Variants in CASKIN2 observed in about 807,000 individuals in gnomAD.
CASKIN2 encodes caskin-2.
Under a neutral mutation model 107.1 loss-of-function variants are expected in CASKIN2, and 41 were observed. That is an observed-to-expected ratio of 0.38 (90% confidence interval 0.30 to 0.50). The LOEUF is 0.50. Ranked by LOEUF, CASKIN2 falls within the 20% of genes least tolerant of loss-of-function variation. The probability of loss-of-function intolerance (pLI) is 0.92; values close to 1 mark genes in which losing one functional copy is unlikely to be tolerated. For missense variants in CASKIN2, 1,546 were observed against 1,657.4 expected, an observed-to-expected ratio of 0.93 and a Z score of 1.17; for synonymous variants, 724 against 705.6, an observed-to-expected ratio of 1.03 and a Z score of -0.41.
intron 13 of CASKIN2, 46 bp from the exon 14 acceptor site, chr17:75,504,352 G>A (rs766805461): frequency 6.3e-7 from 1 of 1,596,722 alleles, no homozygotes; most frequent in East Asian, 2.3e-5. Context: ...CAGGAGGAAG[G>A]GGTGCCCACC....
chr17:75,500,784 G>C lies in CASKIN2; in HGVS notation c.*296C>G. 2.7e-6 allele frequency: 1 copy of C among 376,326 alleles called. No homozygotes were observed. The highest frequency in any genetic ancestry group is 5.0e-6 in the Non-Finnish European group (1 of 201,896). 23.3% of individuals were successfully genotyped at this position (376,326 alleles called of 1,614,324 possible). A position where few individuals can be genotyped will look rare whatever the true frequency, so the allele number is the denominator to read the frequency against. Reference sequence around the variant, plus strand: ...CCCACCCCTACTTCCTCCCTGAGGAGAGAGCTCTTACCAGGGTCCCTGTCC... The same window carrying C: ...CCCACCCCTACTTCCTCCCTGAGGACAGAGCTCTTACCAGGGTCCCTGTCC... On this transcript the variant is annotated 3_prime_UTR_variant, in exon 20 of 20. Coordinates refer to ENST00000321617, the MANE Select transcript of CASKIN2 (RefSeq NM_020753.5).
At position 75,500,952 on chromosome 17, in the gene CASKIN2, G is replaced by A. The variant is rs1488104842; in HGVS notation, c.*128C>T. The A allele has an allele frequency of 2.3e-6, 2 of 860,548 alleles. No homozygotes were observed. The highest frequency in any genetic ancestry group is 3.7e-6 in the Non-Finnish European group (2 of 547,646). The allele number at this position is 860,548 out of a possible 1,614,324, so 53.3% of individuals were successfully genotyped here. The stretch of plus-strand genomic sequence containing the variant: ...CCACAGCCGCGGGCTGAGTGGGAAG[G>A]GGCCCTGCTAGGAGGGGCACTTCAG... On this transcript the variant is annotated 3_prime_UTR_variant, in exon 20 of 20. Transcript: ENST00000321617.
At position 75,503,954 on chromosome 17, in the gene CASKIN2, C is replaced by T. The variant is rs746155968; in HGVS notation, c.1476G>A (p.Gln492=). The T allele has an allele frequency of 6.2e-7, 1 of 1,610,782 alleles. No homozygotes were observed. Among genetic ancestry groups the T allele is most frequent in the Non-Finnish European group, 8.5e-7 (1 of 1,179,116 alleles). ...ACTCGCTTAGCCAGTTATGAATGGC[C>T]TGCGCGTCCTGCGGGGTGGGGGAAG... ...PEQLLEGKDA[Q]AIHNWLSEFQ... Residue 492 remains glutamine, a synonymous_variant, in exon 15 of 20, where the codon CAG becomes CAA. Coordinates refer to ENST00000321617, the MANE Select transcript of CASKIN2 (RefSeq NM_020753.5).
chr17:75,504,898 C>T lies in CASKIN2; in HGVS notation c.1106G>A (p.Arg369Gln), dbSNP rs143342828. The change falls in exon 11 of 20, where the codon CGG (arginine) becomes CAG (glutamine). Residue 369 changes from arginine to glutamine, a missense_variant. By Grantham distance (43) the Arg-to-Gln change is conservative. This residue lies in a region of CASKIN2 where 1,311 missense variants were observed against 1,311.0 expected (regional missense o/e 1.00). Coordinates refer to ENST00000321617, the MANE Select transcript of CASKIN2 (RefSeq NM_020753.5). ...TTCTTCGGCAGGAGGCTGCGGTGTC[C>T]GGGAGAAGCCTGGGCGCAGGGGGGT... is the stretch of plus-strand genomic sequence containing the variant. Reference protein sequence around the residue: ...APTPLRPGFSRTPQPPAEEPP... With the variant: ...APTPLRPGFSQTPQPPAEEPP... 1.1e-5 allele frequency: 15 copies of T among 1,329,408 alleles called. No individual in the cohort carries two copies. The highest frequency in any genetic ancestry group is 5.8e-5 in the South Asian group (5 of 86,650). The allele number at this position is 1,329,408 out of a possible 1,614,324, so 82.4% of individuals were successfully genotyped here. A position where few individuals can be genotyped will look rare whatever the true frequency, so the allele number is the denominator to read the frequency against.
chr17:75,502,087 C>A lies in CASKIN2; in HGVS notation c.2987G>T (p.Cys996Phe). ...ESDTVKRRPK[C>F]REREPLQTAL... The stretch of plus-strand genomic sequence containing the variant: ...GGTCTGCAGTGGCTCTCTCTCCCGG[C>A]ACTTGGGCCTCCGCTTAACAGTGTC... Residue 996 changes from cysteine (C) to phenylalanine (F), a missense_variant, in exon 18 of 20, where the codon TGC becomes TTC. Coordinates refer to ENST00000321617, the MANE Select transcript of CASKIN2 (RefSeq NM_020753.5). This position sits in a 1 kb window ranked among gnomAD's most constrained non-coding sequence, Gnocchi z 4.3. The A allele has an allele frequency of 6.2e-7, 1 of 1,610,690 alleles. No homozygotes were observed. Among genetic ancestry groups the A allele is most frequent in the Non-Finnish European group, 8.5e-7 (1 of 1,179,906 alleles).
rs930751009 is a variant in CASKIN2, at chr17:75,514,190, G to A, written c.-386C>T. 1 of 501,678 alleles carries A rather than the reference G, an allele frequency of 2.0e-6. No individual in the cohort carries two copies. Among genetic ancestry groups the A allele is most frequent in the Non-Finnish European group, 3.5e-6 (1 of 285,206 alleles). 31.1% of individuals were successfully genotyped at this position (501,678 alleles called of 1,614,324 possible). A position where few individuals can be genotyped will look rare whatever the true frequency, so the allele number is the denominator to read the frequency against. On this transcript the variant is annotated 5_prime_UTR_variant, in exon 2 of 20. Transcript: ENST00000321617. ...TTCCCTTGGGCCTCAGGCAGCAGCG[G>A]TGCACTGGTCTCAGGGCTCTGGAAA...
Position 75,513,726 on chromosome 17 carries a change from T to A in CASKIN2, c.79A>T (p.Lys27Ter). 6.2e-7 allele frequency: 1 copy of A among 1,613,830 alleles called. No individual in the cohort carries two copies. Among genetic ancestry groups the A allele is most frequent in the East Asian group, 2.2e-5 (1 of 44,884 alleles). The change falls in exon 2 of 20, where the codon AAG becomes TAG. Residue 27 changes from lysine (K) to a stop codon, truncating the protein, a stop_gained. Coordinates refer to ENST00000321617, the MANE Select transcript of CASKIN2 (RefSeq NM_020753.5). LOFTEE classifies it high-confidence loss of function. ...TGVQKLVAKVKATKTKLLGST... is the reference protein window; with the variant it reads ...TGVQKLVAKV Reference sequence around the variant, plus strand: ...CGGTACTCACTTGTCTTTGTGGCCTTGACCTTCGCCACCAGTTTCTGCACA... The same window carrying A: ...CGGTACTCACTTGTCTTTGTGGCCTAGACCTTCGCCACCAGTTTCTGCACA...
intron 19 of CASKIN2, 122 bp from the exon 20 acceptor site, chr17:75,501,292 G>A: frequency 1.7e-6 from 2 of 1,195,838 alleles, no homozygotes; most frequent in Non-Finnish European, 2.3e-6. Context: ...AGGCTCCTGT[G>A]CCTCTTAAAT....
intron 3 of CASKIN2, 155 bp from the exon 4 acceptor site, chr17:75,507,836 G>A (rs2053281751): frequency 3.2e-6 from 2 of 618,096 alleles, no homozygotes; most frequent in South Asian, 1.9e-5. Context: ...CAGTGGCTGA[G>A]CCACAGCATG....
intron 3 of CASKIN2, 194 bp from the exon 4 acceptor site, chr17:75,507,875 C>A (rs2053282086): frequency 5.1e-6 from 3 of 584,378 alleles, no homozygotes; most frequent in Non-Finnish European, 9.1e-6. Context: ...ACTGAGAGGC[C>A]CGTTTGTCTC....
At chr17:75,503,831 C>T in intron 15 of CASKIN2, 21 bp downstream of exon 15, 1 of 1,611,664 alleles carries the variant, frequency 6.2e-7, no homozygotes, top group Non-Finnish European at 8.5e-7. Flanking sequence ...CTGGGTGCTG[C>T]TTCCCGGCTG....
rs201276652 is a variant in CASKIN2, at chr17:75,501,848, C to G, written c.3226G>C (p.Ala1076Pro). The G allele has an allele frequency of 6.4e-7, 1 of 1,559,956 alleles. No individual in the cohort carries two copies. Among genetic ancestry groups the G allele is most frequent in the African/African-American group, 1.4e-5 (1 of 73,438 alleles). The change falls in exon 18 of 20, where the codon GCT becomes CCT. Residue 1076 changes from alanine (A) to proline (P), a missense_variant. Transcript: ENST00000321617. ...CPGPGLESSA[A>P]SRWNGETEPP... ...TCTGTCTCCCCATTCCACCGACTAGCTGCTGAGCTTTCCAGACCTGGCCCT... is the reference window on the plus strand; with the variant it reads ...TCTGTCTCCCCATTCCACCGACTAGGTGCTGAGCTTTCCAGACCTGGCCCT...
In CASKIN2 at chr17:75,502,697, G is replaced by A. The variant is rs776741547; in HGVS notation, c.2377C>T (p.Arg793Ter). 1 of 1,594,390 alleles carries A rather than the reference G, an allele frequency of 6.3e-7. No individual in the cohort carries two copies. Among genetic ancestry groups the A allele is most frequent in the Non-Finnish European group, 8.6e-7 (1 of 1,168,932 alleles). The part of the protein sequence containing the change: ...GPPATPPDPP[R>*]PKRRSHSLSR... ...AGGCTGTGGGACCGGCGCTTAGGTCGAGGCGGGTCTGGGGGAGTGGCAGGG... is the reference window on the plus strand; with the variant it reads ...AGGCTGTGGGACCGGCGCTTAGGTCAAGGCGGGTCTGGGGGAGTGGCAGGG... Residue 793 changes from arginine to a stop codon, truncating the protein, a stop_gained, in exon 18 of 20, where the codon CGA (arginine) becomes TGA (stop). Coordinates refer to ENST00000321617, the MANE Select transcript of CASKIN2 (RefSeq NM_020753.5). LOFTEE classifies it high-confidence loss of function. The surrounding 1 kb of genome is among the most constrained non-coding windows in gnomAD (Gnocchi z 4.3).
In CASKIN2 at chr17:75,501,452, A is replaced by C; in HGVS notation, c.3518+16T>G. On this transcript the variant is annotated intron_variant, in intron 19 of 19. Coordinates refer to ENST00000321617, the MANE Select transcript of CASKIN2 (RefSeq NM_020753.5). ...TCTCTGCAGCCTTCTCTCCCTCCCC[A>C]TCCGGCCCCCCTCACCCCTCTTGCT... The C allele has an allele frequency of 6.3e-7, 1 of 1,597,348 alleles. No homozygotes were observed. The highest frequency in any genetic ancestry group is 8.6e-7 in the Non-Finnish European group (1 of 1,167,844).
chr17:75,505,882 C>T lies in CASKIN2; in HGVS notation c.774G>A (p.Leu258=). 6.2e-7 allele frequency: 1 copy of T among 1,613,652 alleles called. No individual in the cohort carries two copies. The highest frequency in any genetic ancestry group is 2.2e-5 in the East Asian group (1 of 44,882). The change falls in exon 9 of 20, where the codon CTG becomes CTA. Residue 258 remains leucine (L), a synonymous_variant. Coordinates refer to ENST00000321617, the MANE Select transcript of CASKIN2 (RefSeq NM_020753.5). This position sits in a 1 kb window ranked among gnomAD's most constrained non-coding sequence, Gnocchi z 5.1. ...NIRNTYNQTA[L]DIVNQFTTSQ... Reference sequence around the variant, plus strand: ...AGGTGGTGAACTGATTCACTATGTCCAGCGCCGTCTGGTTATACGTATTCC... The same window carrying T: ...AGGTGGTGAACTGATTCACTATGTCTAGCGCCGTCTGGTTATACGTATTCC...
Position 75,506,448 on chromosome 17 carries a change from C to T in CASKIN2, c.618-35G>A, listed in dbSNP as rs376411357. On this transcript the variant is annotated intron_variant, in intron 7 of 19. Coordinates refer to ENST00000321617, the MANE Select transcript of CASKIN2 (RefSeq NM_020753.5). The surrounding 1 kb of genome is among the most constrained non-coding windows in gnomAD (Gnocchi z 4.8). Reference sequence around the variant, plus strand: ...ACGGGGGGAGTCACGGGGGAGGTGGCGTAGGAGGGGGTGCTGACTGCTGGG... The same window carrying T: ...ACGGGGGGAGTCACGGGGGAGGTGGTGTAGGAGGGGGTGCTGACTGCTGGG... 54 of 1,500,284 alleles carry T rather than the reference C, an allele frequency of 3.6e-5. No homozygotes were observed. The East Asian group carries it at 3.7e-4, about 10-fold the overall frequency. 92.9% of individuals were successfully genotyped at this position (1,500,284 alleles called of 1,614,324 possible).
At chr17:75,503,603 CCA>C in intron 16 of CASKIN2, 54 bp downstream of exon 16, 1 of 1,605,828 alleles carries the variant, frequency 6.2e-7, no homozygotes, top group Non-Finnish European at 8.5e-7. Flanking sequence ...CACCGCAAAG[CCA>C]CAGCTGAGGG....
chr17:75,506,252 C>A lies in CASKIN2; in HGVS notation c.726+53G>T. ...CCGTACCTCCCCAGCCAGTCAGGGG[C>A]ACAGGGCAGAGGCTCCATGGACACC... On this transcript the variant is annotated intron_variant, in intron 8 of 19. Transcript: ENST00000321617. The surrounding 1 kb of genome is among the most constrained non-coding windows in gnomAD (Gnocchi z 4.8). 1 of 1,476,638 alleles carries A rather than the reference C, an allele frequency of 6.8e-7. No homozygotes were observed. Among genetic ancestry groups the A allele is most frequent in the Non-Finnish European group, 9.4e-7 (1 of 1,064,252 alleles). The allele number at this position is 1,476,638 out of a possible 1,614,324, so 91.5% of individuals were successfully genotyped here. A position where few individuals can be genotyped will look rare whatever the true frequency, so the allele number is the denominator to read the frequency against.
chr17:75,502,051 G>T lies in CASKIN2; in HGVS notation c.3023C>A (p.Ala1008Asp). The T allele has an allele frequency of 3.7e-6, 6 of 1,612,502 alleles. No homozygotes were observed. Among genetic ancestry groups the T allele is most frequent in the Non-Finnish European group, 5.1e-6 (6 of 1,179,902 alleles). ...AGGCGTGGCACTGGCCACTCCGAAGGCCAGCAGTGCGGTCTGCAGTGGCTC... is the reference window on the plus strand; with the variant it reads ...AGGCGTGGCACTGGCCACTCCGAAGTCCAGCAGTGCGGTCTGCAGTGGCTC... ...EREPLQTALLAFGVASATPGP... is the reference protein window; with the variant it reads ...EREPLQTALLDFGVASATPGP... Residue 1008 changes from alanine (A) to aspartate (D), a missense_variant, in exon 18 of 20, where the codon GCC becomes GAC. Coordinates refer to ENST00000321617, the MANE Select transcript of CASKIN2 (RefSeq NM_020753.5). The surrounding 1 kb of genome is among the most constrained non-coding windows in gnomAD (Gnocchi z 4.3).
Sources: allele counts gnomAD v4.1 joint callset, GRCh38; gene constraint gnomAD v4.1.1; regional missense constraint gnomAD v4.1.1; non-coding constraint Gnocchi (gnomAD v3.1); transcripts MANE v1.5; gene names NCBI Gene and HGNC (gene_info 2026-07-23, HGNC 2026-07-21).